AIF1L: variants seen among roughly 807,000 people sequenced by gnomAD.
The protein encoded by AIF1L is allograft inflammatory factor 1-like.
AIF1L carries 12 observed loss-of-function variants against 20.7 expected under a neutral mutation model. The ratio of observed to expected loss-of-function variants is 0.58; its 90% CI spans 0.37 to 0.94. The LOEUF (loss-of-function observed/expected upper bound fraction) is 0.94. AIF1L is among the 40% of genes least tolerant of loss of function. AIF1L has a pLI of 0.01. For synonymous variants in AIF1L, 76 were observed against 65.1 expected (o/e 1.17, Z -0.81); for missense variants, 173 against 185.3 (o/e 0.93, Z 0.39).
chr9:131,113,561 A>G (rs148844495), intron 3 of AIF1L, among the ~76,000 whole-genome samples: 1 of 150,280 alleles, frequency 6.7e-6, no homozygotes, highest in Non-Finnish European at 1.5e-5. Context: ...CCAGACTAAC[A>G]TGGGTTCAAG....
chr9:131,119,329 C>T (rs190426472), intron 5 of AIF1L, among the ~76,000 whole-genome samples: 4 of 152,004 alleles, frequency 2.6e-5, no homozygotes, highest in Non-Finnish European at 4.4e-5. Context: ...GGTGAAACCC[C>T]GTTTCTACTA....
chr9:131,105,018 T>C (rs914993275), intron 2 of AIF1L, among the ~76,000 whole-genome samples: 11 of 152,038 alleles, frequency 7.2e-5, no homozygotes, highest in African/African-American at 2.7e-4. Context: ...GTGGCTTCTA[T>C]CTCTGTCTCC....
At chr9:131,098,483 C>G (rs924952293) in intron 2 of AIF1L, among the ~76,000 whole-genome samples, 1 of 152,092 alleles carries the variant, frequency 6.6e-6, no homozygotes, top group Non-Finnish European at 1.5e-5. Context: ...GGTCACTTGG[C>G]CAGGCGGGTT....
chr9:131,110,839 T>C (rs900700511), intron 2 of AIF1L, among the ~76,000 whole-genome samples: 24 of 151,998 alleles, frequency 1.6e-4, no homozygotes, highest in Non-Finnish European at 2.9e-5. Context: ...AAGCAGATCA[T>C]GATTCTCATT....
chr9:131,110,832 C>T (rs1830861285), intron 2 of AIF1L, among the ~76,000 whole-genome samples: 3 of 151,990 alleles, frequency 2.0e-5, no homozygotes, highest in Admixed American at 2.0e-4. Flanking sequence ...ACTCAAGAAG[C>T]AGATCATGAT....
In AIF1L at chr9:131,114,599, G is replaced by C; in HGVS notation, c.183G>C (p.Leu61=). The change falls in exon 4 of 6, where the codon CTG becomes CTC. Residue 61 remains leucine, a synonymous_variant. Coordinates refer to ENST00000247291, the MANE Select transcript of AIF1L (RefSeq NM_031426.4). The part of the protein sequence containing the change: ...AFKEKYMEFD[L]NNEGEIDLMS... ...CAGAGAAGTACATGGAGTTTGACCT[G>C]AACAATGAAGGCGAGATTGGTGAGT... 1 of 1,614,106 alleles carries C rather than the reference G, an allele frequency of 6.2e-7. No individual in the cohort carries two copies. The highest frequency in any genetic ancestry group is 8.5e-7 in the Non-Finnish European group (1 of 1,179,972).
At chr9:131,100,370 C>T (rs1212274455) in intron 2 of AIF1L, among the ~76,000 whole-genome samples, 1 of 152,192 alleles carries the variant, frequency 6.6e-6, no homozygotes, top group Non-Finnish European at 1.5e-5. Flanking sequence ...GGTATGTGCC[C>T]GTCCTGTGCC....
At chr9:131,096,713 G>T in intron 1 of AIF1L, 53 bp downstream of exon 1, 1 of 1,448,164 alleles carries the variant, frequency 6.9e-7, no homozygotes, top group Non-Finnish European at 9.0e-7. Flanking sequence ...CGGACCGCGG[G>T]GTCCACCGCG....
Position 131,121,428 on chromosome 9 carries a change from C to T in AIF1L, c.*1106C>T, listed in dbSNP as rs1338506758. On this transcript the variant is annotated 3_prime_UTR_variant, in exon 6 of 6. Coordinates refer to ENST00000247291, the MANE Select transcript of AIF1L (RefSeq NM_031426.4). ...CAGAACCTTGAGCTTGGGAATTGAA[C>T]TGGGGTCACCTGTGTCCTTTCTTAT... The T allele has an allele frequency of 3.3e-6, 1 of 300,470 alleles. No homozygotes were observed. The highest frequency in any genetic ancestry group is 2.1e-5 in the African/African-American group (1 of 46,716). 18.6% of individuals were successfully genotyped at this position (300,470 alleles called of 1,614,324 possible).
intron 2 of AIF1L, among the ~76,000 whole-genome samples, chr9:131,108,995 TATGTAAGAACAGACTTGGCCATC>T (rs1445067687): frequency 6.6e-6 from 1 of 152,188 alleles, no homozygotes; most frequent in Non-Finnish European, 1.5e-5. Flanking sequence ...TCCTAAGAGA[TATGTAAGAACAGACTTGGCCATC>T]ATGTATTAGG....
intron 2 of AIF1L, chr9:131,103,085 T>C (rs796988562): frequency 1.1e-5 from 5 of 439,740 alleles, no homozygotes; most frequent in African/African-American, 1.0e-4. Flanking sequence ...TCTGATGGGT[T>C]TGGAAACAGC....
chr9:131,116,932 C>T (rs1353361070), intron 4 of AIF1L, among the ~76,000 whole-genome samples: 4 of 152,250 alleles, frequency 2.6e-5, no homozygotes, highest in African/African-American at 9.6e-5. Flanking sequence ...CAGTCCCGCC[C>T]GCCTTGCCAG....
In AIF1L at chr9:131,121,403, C is replaced by T. The variant is rs1318478894; in HGVS notation, c.*1081C>T. On this transcript the variant is annotated 3_prime_UTR_variant, in exon 6 of 6. Coordinates refer to ENST00000247291, the MANE Select transcript of AIF1L (RefSeq NM_031426.4). ...CTAACTCATCTCTCCCCAGATCTCT[C>T]AGAACCTTGAGCTTGGGAATTGAAC... The T allele has an allele frequency of 2.9e-6, 1 of 348,626 alleles. No homozygotes were observed. Among genetic ancestry groups the T allele is most frequent in the Non-Finnish European group, 5.2e-6 (1 of 192,942 alleles). 21.6% of individuals were successfully genotyped at this position (348,626 alleles called of 1,614,324 possible).
intron 2 of AIF1L, among the ~76,000 whole-genome samples, chr9:131,106,813 A>G (rs1272495661): frequency 2.7e-5 from 4 of 146,988 alleles, no homozygotes; most frequent in Non-Finnish European, 6.0e-5. Context: ...GGTGACATTG[A>G]GGCTGGGTGT....
rs777579479 is a variant in AIF1L, at chr9:131,121,328, A to G, written c.*1006A>G. On this transcript the variant is annotated 3_prime_UTR_variant, in exon 6 of 6. Transcript: ENST00000247291. ...ACCAGATATTTATTGACCTGCTATTATAAGCTTTACATCCTCCCATGTTGT... is the reference window on the plus strand; with the variant it reads ...ACCAGATATTTATTGACCTGCTATTGTAAGCTTTACATCCTCCCATGTTGT... The G allele has an allele frequency of 6.5e-5, 36 of 556,124 alleles. No homozygotes were observed. The highest frequency in any genetic ancestry group is 1.1e-4 in the Non-Finnish European group (33 of 308,616). The allele number at this position is 556,124 out of a possible 1,614,324, so 34.4% of individuals were successfully genotyped here. A position where few individuals can be genotyped will look rare whatever the true frequency, so the allele number is the denominator to read the frequency against.
chr9:131,097,630 CA>C (rs1405785248), intron 2 of AIF1L, among the ~76,000 whole-genome samples: 1 of 152,218 alleles, frequency 6.6e-6, no homozygotes, highest in Non-Finnish European at 1.5e-5. Flanking sequence ...CATAAATTTA[CA>C]TAGATTCTAG....
rs559262742 is a variant in AIF1L, at chr9:131,115,270, C to T, written c.202+652C>T. On this transcript the variant is annotated intron_variant, in intron 4 of 5. Transcript: ENST00000247291. Reference sequence around the variant, plus strand: ...TTCAAGACCAGCCTGGCCAACATGACGAAATCCCATCTCTACTAAAAATAC... The same window carrying T: ...TTCAAGACCAGCCTGGCCAACATGATGAAATCCCATCTCTACTAAAAATAC... 1.8e-4 allele frequency among the ~76,000 whole-genome samples: 27 copies of T among 150,830 alleles called. No individual in the cohort carries two copies. In the East Asian group the frequency reaches 3.8e-3, roughly 21 times the overall value.
intron 2 of AIF1L, among the ~76,000 whole-genome samples, chr9:131,111,190 A>AG (rs1399361745): frequency 2.0e-5 from 3 of 148,690 alleles, no homozygotes; most frequent in Non-Finnish European, 4.4e-5. Flanking sequence ...AAAAAAAAAA[A>AG]AGTGCACGGA....
chr9:131,106,235 G>C (rs1830744140), intron 2 of AIF1L: 1 of 1,535,782 alleles, frequency 6.5e-7, no homozygotes, highest in African/African-American at 1.4e-5. Context: ...CATGTTCCCA[G>C]CACAGCTGCT....
Sources: gnomAD v4.1 joint callset for allele counts (sites outside exome capture counted in the v4.1 genomes callset) on GRCh38, gnomAD v4.1.1 for gene constraint, MANE v1.5 for transcripts, NCBI Gene and HGNC (gene_info 2026-07-23, HGNC 2026-07-21) for gene names.